STX8: variants seen among roughly 807,000 people sequenced by gnomAD.
STX8 encodes the protein syntaxin-8.
A neutral mutation model predicts 37.5 loss-of-function variants in STX8; 23 were observed. The observed-to-expected ratio is 0.61, with a 90% CI of 0.44 to 0.87. STX8 has a LOEUF of 0.87. Among genes scored for constraint, STX8 ranks in the 40% least tolerant of loss-of-function variants. The pLI is 0.00. For missense variants in STX8, 313 were observed against 284.7 expected, an observed-to-expected ratio of 1.10 and a Z score of -0.71; for synonymous variants, 115 against 99.1, an observed-to-expected ratio of 1.16 and a Z score of -0.95.
chr17:9,278,764 G>C (rs372398183), intron 7 of STX8, among the ~76,000 whole-genome samples: 1 of 152,096 alleles, frequency 6.6e-6, no homozygotes, highest in Admixed American at 6.6e-5. Flanking sequence ...AAAGATCACG[G>C]GGAGGCGGAG....
At chr17:9,394,782 G>A (rs577317617) in intron 6 of STX8, among the ~76,000 whole-genome samples, 2 of 151,718 alleles carry the variant, frequency 1.3e-5, no homozygotes, top group African/African-American at 4.8e-5. Context: ...GTTTAAAAAA[G>A]TTTGGCCAGG....
chr17:9,368,898 C>G (rs1424966460), intron 7 of STX8, among the ~76,000 whole-genome samples: 3 of 151,210 alleles, frequency 2.0e-5, no homozygotes, highest in Non-Finnish European at 4.4e-5. Context: ...CTCCTATACT[C>G]TTAAGTCCTA....
intron 6 of STX8, among the ~76,000 whole-genome samples, chr17:9,451,183 C>T (rs1009924963): frequency 2.6e-5 from 4 of 152,176 alleles, no homozygotes; most frequent in Admixed American, 2.6e-4. Flanking sequence ...ATCTAATCCA[C>T]ACCATAATCC....
chr17:9,281,265 T>C (rs140104329), intron 7 of STX8, among the ~76,000 whole-genome samples: 81 of 152,212 alleles, frequency 5.3e-4, no homozygotes, highest in Admixed American at 1.8e-3. Flanking sequence ...GTGGATTTCA[T>C]AGACACTCAG....
At position 9,469,745 on chromosome 17, in the gene STX8, A is replaced by G. The variant is rs548965713; in HGVS notation, c.541+22084T>C. On this transcript the variant is annotated intron_variant, in intron 6 of 7. Transcript: ENST00000306357. ...AAATGGTAAAATGAGTCTTCACCTT[A>G]TCGTCACCCCTAGAGATGGCCAAGT... 2.6e-5 allele frequency: 4 copies of G among 152,298 alleles called. No individual in the cohort carries two copies. The South Asian group carries it at 8.3e-4, about 32-fold the overall frequency. 9.4% of individuals were successfully genotyped at this position (152,298 alleles called of 1,614,324 possible). A position where few individuals can be genotyped will look rare whatever the true frequency, so the allele number is the denominator to read the frequency against.
intron 6 of STX8, among the ~76,000 whole-genome samples, chr17:9,440,044 C>G (rs1243640899): frequency 6.6e-6 from 1 of 152,054 alleles, no homozygotes; most frequent in Non-Finnish European, 1.5e-5. Flanking sequence ...AAATTTGCAG[C>G]CTAAATATAG....
intron 7 of STX8, among the ~76,000 whole-genome samples, chr17:9,263,475 G>A (rs940764597): frequency 2.6e-5 from 4 of 152,112 alleles, no homozygotes; most frequent in South Asian, 2.1e-4. Flanking sequence ...ATGAAACTCC[G>A]TCTCATATGG....
intron 7 of STX8, among the ~76,000 whole-genome samples, chr17:9,357,052 C>T (rs1452203128): frequency 6.7e-6 from 1 of 148,764 alleles, no homozygotes; most frequent in Non-Finnish European, 1.5e-5. Context: ...ACTGCAACCT[C>T]CGCCTCCCAG....
intron 5 of STX8, among the ~76,000 whole-genome samples, chr17:9,504,327 TAAGA>T (rs1454852007): frequency 1.4e-5 from 2 of 147,938 alleles, no homozygotes; most frequent in Non-Finnish European, 1.5e-5. Context: ...TTTAAAAATA[TAAGA>T]AAGTTTAAAA....
chr17:9,262,185 C>T (rs1907062413), intron 7 of STX8, among the ~76,000 whole-genome samples: 1 of 152,222 alleles, frequency 6.6e-6, no homozygotes, highest in African/African-American at 2.4e-5. Flanking sequence ...ACGCAAAAGA[C>T]TATGGGGTAG....
chr17:9,481,961 G>A (rs2142456127), intron 6 of STX8, among the ~76,000 whole-genome samples: 1 of 152,212 alleles, frequency 6.6e-6, no homozygotes, highest in South Asian at 2.1e-4. Flanking sequence ...CTGGTCCCTG[G>A]TGCCAAAAAG....
intron 6 of STX8, among the ~76,000 whole-genome samples, chr17:9,429,961 A>AT (rs1555526619): frequency 7.8e-4 from 1 of 1,276 alleles, no homozygotes; most frequent in African/African-American, 4.9e-3. Flanking sequence ...TATATAATAT[A>AT]TATATTATAT....
chr17:9,320,582 T>TA (rs1909543434), intron 7 of STX8, among the ~76,000 whole-genome samples: 1 of 151,584 alleles, frequency 6.6e-6, no homozygotes, highest in African/African-American at 2.4e-5. Flanking sequence ...GGAACCAACT[T>TA]AAAGGTACAG....
intron 6 of STX8, among the ~76,000 whole-genome samples, chr17:9,463,380 GATA>G (rs1192962534): frequency 3.3e-5 from 5 of 152,200 alleles, no homozygotes; most frequent in African/African-American, 1.2e-4. Flanking sequence ...CAGAATTACT[GATA>G]ATAACAGGTA....
chr17:9,466,254 A>G (rs1905609648), intron 6 of STX8, among the ~76,000 whole-genome samples: 1 of 152,188 alleles, frequency 6.6e-6, no homozygotes, highest in Non-Finnish European at 1.5e-5. Flanking sequence ...TACAGGCTTG[A>G]GCCATCACGC....
chr17:9,567,348 TTAG>T (rs1280357208), intron 2 of STX8, among the ~76,000 whole-genome samples: 7 of 152,194 alleles, frequency 4.6e-5, no homozygotes, highest in African/African-American at 1.2e-4. Flanking sequence ...CTCAGCATTC[TTAG>T]TAGATTAGTC....
intron 4 of STX8, among the ~76,000 whole-genome samples, chr17:9,515,799 C>T (rs1481266776): frequency 2.0e-5 from 3 of 152,160 alleles, no homozygotes; most frequent in Non-Finnish European, 4.4e-5. Context: ...GCTGGGATTA[C>T]AGGCATGAGC....
intron 6 of STX8, among the ~76,000 whole-genome samples, chr17:9,415,634 T>A (rs1913161167): frequency 6.6e-6 from 1 of 152,072 alleles, no homozygotes; most frequent in Non-Finnish European, 1.5e-5. Flanking sequence ...CCGGGCGTGG[T>A]GGCAGGCGCC....
intron 7 of STX8, among the ~76,000 whole-genome samples, chr17:9,348,847 T>C (rs977700588): frequency 1.3e-5 from 2 of 152,220 alleles, no homozygotes; most frequent in African/African-American, 2.4e-5. Context: ...ACCTTCCTGA[T>C]GGCCAAGGTC....
Sources: gnomAD v4.1 joint callset for allele counts (sites outside exome capture counted in the v4.1 genomes callset) on GRCh38, gnomAD v4.1.1 for gene constraint, MANE v1.5 for transcripts, NCBI Gene and HGNC (gene_info 2026-07-23, HGNC 2026-07-21) for gene names.